Variants in TRPM5 observed in about 807,000 individuals in gnomAD.
TRPM5 encodes MLSN1 and TRP-related.
Under a neutral mutation model 124.9 loss-of-function variants are expected in TRPM5, and 121 were observed. The observed-to-expected ratio is 0.97, with a 90% CI of 0.84 to 1.13. The LOEUF is 1.13. Ranked by LOEUF, TRPM5 falls within the 50% of genes most tolerant of loss-of-function variation. The probability of loss-of-function intolerance (pLI) is 0.00; values close to 1 mark genes in which losing one functional copy is unlikely to be tolerated. For synonymous variants in TRPM5, 781 were observed against 700.5 expected (o/e 1.11, Z -1.81); for missense variants, 1,643 against 1,589.1 (o/e 1.03, Z -0.58).
intron 6 of TRPM5, 21 bp from the exon 12 acceptor site, chr11:2,417,850 C>T: frequency 6.4e-7 from 1 of 1,557,312 alleles, no homozygotes; most frequent in African/African-American, 1.4e-5. Context: ...GAACAGAGCC[C>T]CCATGGGGCC....
chr11:2,410,055 C>T (rs1034153525), intron 18 of TRPM5, among the ~76,000 whole-genome samples: 2 of 152,198 alleles, frequency 1.3e-5, no homozygotes, highest in African/African-American at 4.8e-5. Context: ...CCGAGGGGCC[C>T]TGCGGACGGG....
upstream of TRPM5, among the ~76,000 whole-genome samples, chr11:2,427,874 G>A (rs1245800222): frequency 6.6e-6 from 1 of 152,156 alleles, no homozygotes; most frequent in Non-Finnish European, 1.5e-5. Context: ...TGGAGGACAG[G>A]GAGGCAGAGG....
intron 12 of TRPM5, 43 bp downstream of exon 17, chr11:2,414,018 C>CCCCCCCCCCCCG: frequency 6.6e-7 from 1 of 1,509,154 alleles, no homozygotes. Context: ...CGCCCGCCCA[C>CCCCCCCCCCCCG]CCCACCCCCT....
chr11:2,408,316 C>T (rs1850366664), intron 18 of TRPM5, among the ~76,000 whole-genome samples: 1 of 152,206 alleles, frequency 6.6e-6, no homozygotes, highest in Admixed American at 6.5e-5. Flanking sequence ...CGAAAAAAGC[C>T]TCTGCTGTTG....
chr11:2,433,614 A>G, the TRPM5 span, among the ~76,000 whole-genome samples: 1 of 152,240 alleles, frequency 6.6e-6, no homozygotes, highest in Non-Finnish European at 1.5e-5. Context: ...AATGGGGATC[A>G]TGAGAATTCC....
chr11:2,441,641 G>A, the TRPM5 span, among the ~76,000 whole-genome samples: 1 of 152,028 alleles, frequency 6.6e-6, no homozygotes, highest in African/African-American at 2.4e-5. The surrounding 1 kb of genome is among the most constrained non-coding windows in gnomAD (Gnocchi z 7.2). Flanking sequence ...ACAGCTCAGG[G>A]CCCAGGAGAC....
chr11:2,443,190 C>A, the TRPM5 span, among the ~76,000 whole-genome samples: 1 of 152,200 alleles, frequency 6.6e-6, no homozygotes. The surrounding 1 kb of genome is among the most constrained non-coding windows in gnomAD (Gnocchi z 5.0). Flanking sequence ...GCCTCTGATT[C>A]ATTTGAGATT....
At chr11:2,425,932 G>A (rs992433785), upstream of TRPM5, among the ~76,000 whole-genome samples, 4 of 152,176 alleles carry the variant, frequency 2.6e-5, no homozygotes, top group South Asian at 2.1e-4. Context: ...AGCTAATGGA[G>A]GGCCTGGGCC....
chr11:2,410,266 C>T (rs1850418698), intron 18 of TRPM5, among the ~76,000 whole-genome samples: 1 of 152,206 alleles, frequency 6.6e-6, no homozygotes, highest in Non-Finnish European at 1.5e-5. Flanking sequence ...CCCCGCCTGT[C>T]CCCGGAGGCC....
chr11:2,407,264 C>A lies in TRPM5; in HGVS notation c.2973G>T (p.Met991Ile), dbSNP rs778481579. ...GGTTGTAGCGCTGGAACTTCCAGAA[C>A]ATGTCTGCGTTGCCCTGCACCACCT... The change falls in exon 20 of 24, where the codon ATG (methionine) becomes ATT (isoleucine). Residue 991 changes from methionine to isoleucine, a missense_variant. Transcript: ENST00000155858. 3.9e-5 allele frequency: 63 copies of A among 1,612,068 alleles called. No individual in the cohort carries two copies. In the East Asian group the frequency reaches 1.4e-3, roughly 35 times the overall value.
chr11:2,427,432 T>G (rs914518840), upstream of TRPM5, among the ~76,000 whole-genome samples: 6 of 152,006 alleles, frequency 3.9e-5, no homozygotes, highest in Non-Finnish European at 5.9e-5. Context: ...AAGCCTCTCC[T>G]CCTCCTCTTC....
the TRPM5 span, among the ~76,000 whole-genome samples, chr11:2,440,389 C>A: frequency 6.6e-6 from 1 of 152,206 alleles, no homozygotes; most frequent in Non-Finnish European, 1.5e-5. This position sits in a 1 kb window ranked among gnomAD's most constrained non-coding sequence, Gnocchi z 5.2. Context: ...CCATAGGAGA[C>A]ATTCGCCAGG....
chr11:2,413,127 C>T lies in TRPM5; in HGVS notation c.2096+7G>A, dbSNP rs1382547244. On this transcript the variant is annotated splice_region_variant and intron_variant, in intron 14 of 23. Coordinates refer to ENST00000155858, the Ensembl canonical transcript of TRPM5. ...CCCTCCACCCTGCCTGGCCCTGTGCCTCGCACCGGCTCTGCAGGCCATACA... is the reference window on the plus strand; with the variant it reads ...CCCTCCACCCTGCCTGGCCCTGTGCTTCGCACCGGCTCTGCAGGCCATACA... 6.4e-7 allele frequency: 1 copy of T among 1,552,752 alleles called. No individual in the cohort carries two copies. Among genetic ancestry groups the T allele is most frequent in the East Asian group, 2.4e-5 (1 of 41,536 alleles).
rs200643095 is a variant in TRPM5, at chr11:2,422,135, C to T, written c.298+6G>A. 713 of 1,577,952 alleles carry T rather than the reference C, an allele frequency of 4.5e-4. 7 individuals carry two copies. In the African/African-American group the frequency reaches 8.1e-3, roughly 18 times the overall value. Reference sequence around the variant, plus strand: ...GGAGCGCTGCCTGTGCCGGGTGGGGCCTCACCTGTGCTCTGAGCCGCCTTC... The same window carrying T: ...GGAGCGCTGCCTGTGCCGGGTGGGGTCTCACCTGTGCTCTGAGCCGCCTTC... On this transcript the variant is annotated splice_donor_region_variant and intron_variant, in intron 2 of 23. Coordinates refer to ENST00000155858, the Ensembl canonical transcript of TRPM5.
intron 18 of TRPM5, among the ~76,000 whole-genome samples, chr11:2,411,049 G>A (rs1256802589): frequency 2.0e-5 from 3 of 152,086 alleles, no homozygotes; most frequent in African/African-American, 7.2e-5. Context: ...TTGCTGCTTG[G>A]CCTCCCCAAG....
the TRPM5 span, among the ~76,000 whole-genome samples, chr11:2,428,654 T>C: frequency 1.3e-5 from 2 of 151,452 alleles, no homozygotes. This position sits in a 1 kb window ranked among gnomAD's most constrained non-coding sequence, Gnocchi z 4.0. Context: ...ATAGTGATGG[T>C]GATGGTGGTG....
intron 8 of TRPM5, 74 bp downstream of exon 13, chr11:2,415,832 G>T: frequency 1.8e-6 from 2 of 1,136,336 alleles, no homozygotes; most frequent in South Asian, 1.4e-5. Flanking sequence ...AGCCCACAGG[G>T]TGCAGGAGCA....
At chr11:2,428,822 ATGG>A in the TRPM5 span, among the ~76,000 whole-genome samples, 2 of 144,416 alleles carry the variant, frequency 1.4e-5, no homozygotes, top group African/African-American at 2.6e-5. This position sits in a 1 kb window ranked among gnomAD's most constrained non-coding sequence, Gnocchi z 4.0. Flanking sequence ...GGTGGGGATA[ATGG>A]TGGTGATGGT....
intron 7 of TRPM5, among the ~76,000 whole-genome samples, chr11:2,416,429 C>A (rs758794790): frequency 6.6e-6 from 1 of 152,140 alleles, no homozygotes; most frequent in Non-Finnish European, 1.5e-5. Context: ...TTGGTGAGGT[C>A]ACCAGGGTCA....
Sources: allele counts gnomAD v4.1 joint callset (sites outside exome capture counted in the v4.1 genomes callset), GRCh38; gene constraint gnomAD v4.1.1; non-coding constraint Gnocchi (gnomAD v3.1); transcripts MANE v1.5; gene names NCBI Gene and HGNC (gene_info 2026-07-23, HGNC 2026-07-21).